Variants in KIAA1549L observed in about 807,000 individuals in gnomAD.
KIAA1549L encodes the protein UPF0606 protein KIAA1549L.
Under a neutral mutation model 160.7 loss-of-function variants are expected in KIAA1549L, and 88 were observed. That is an observed-to-expected ratio of 0.55 (90% CI 0.46 to 0.65). KIAA1549L has a LOEUF of 0.65. Ranked by LOEUF, KIAA1549L falls within the 30% of genes least tolerant of loss-of-function variation. The pLI, the probability that KIAA1549L is intolerant of heterozygous loss-of-function variation, is 0.00. For synonymous variants in KIAA1549L, 950 were observed against 976.7 expected, an observed-to-expected ratio of 0.97 and a Z score of 0.51; for missense variants, 2,258 against 2,437.5, an observed-to-expected ratio of 0.93 and a Z score of 1.55.
intron 1 of KIAA1549L, among the ~76,000 whole-genome samples, chr11:33,510,210 G>T (rs193055646): frequency 1.3e-5 from 2 of 151,522 alleles, no homozygotes; most frequent in Non-Finnish European, 2.9e-5. Context: ...TCTTTCTTTC[G>T]TGTCTTGTTC....
Position 33,591,414 on chromosome 11 carries a change from A to G in KIAA1549L, c.4744A>G (p.Arg1582Gly). Residue 1582 changes from arginine to glycine, a missense_variant, in exon 12 of 21, where the codon AGG (arginine) becomes GGG (glycine). Arg to Gly is a moderately radical substitution (Grantham distance 125, BLOSUM62 -2). Coordinates refer to ENST00000658780, the MANE Select transcript of KIAA1549L (RefSeq NM_012194.3). ...TIKTAKSTET[R>G]KSRSPSENGS... Reference sequence around the variant, plus strand: ...CAAGACCGCCAAATCCACTGAAACCAGGAAGAGGTAGGCACGGGGCTGACT... The same window carrying G: ...CAAGACCGCCAAATCCACTGAAACCGGGAAGAGGTAGGCACGGGGCTGACT... 6.2e-7 allele frequency: 1 copy of G among 1,602,480 alleles called. No homozygotes were observed. The highest frequency in any genetic ancestry group is 8.5e-7 in the Non-Finnish European group (1 of 1,171,222).
At chr11:33,553,351 A>G (rs1214333300) in intron 6 of KIAA1549L, among the ~76,000 whole-genome samples, 4 of 150,838 alleles carry the variant, frequency 2.7e-5, no homozygotes, top group Non-Finnish European at 5.9e-5. Flanking sequence ...CCCACTAAAG[A>G]CAGATGCTTC....
chr11:33,657,647 A>C (rs926986331), intron 18 of KIAA1549L, among the ~76,000 whole-genome samples: 4 of 152,116 alleles, frequency 2.6e-5, no homozygotes, highest in Non-Finnish European at 5.9e-5. Flanking sequence ...AAATACAAAA[A>C]TTAGGTGGGC....
chr11:33,492,290 C>T (rs991361735), intron 1 of KIAA1549L, among the ~76,000 whole-genome samples: 1 of 152,132 alleles, frequency 6.6e-6, no homozygotes, highest in Non-Finnish European at 1.5e-5. Flanking sequence ...ATCACTTGAA[C>T]CCAGAGACAG....
At chr11:33,533,359 A>G (rs1385086051) in intron 1 of KIAA1549L, among the ~76,000 whole-genome samples, 1 of 152,196 alleles carries the variant, frequency 6.6e-6, no homozygotes, top group Non-Finnish European at 1.5e-5. Context: ...GGCAGTTTGC[A>G]CTGTTTTTTG....
chr11:33,670,542 G>A lies in KIAA1549L; in HGVS notation c.*2388G>A, dbSNP rs1209328869. ...CAAGAATAGTATTAATAGATGAGAG[G>A]AAAACCTTAAGTTGGAAAGAAATCA... On this transcript the variant is annotated 3_prime_UTR_variant, in exon 21 of 21. Coordinates refer to ENST00000658780, the MANE Select transcript of KIAA1549L (RefSeq NM_012194.3). 6.6e-6 allele frequency: 1 copy of A among 152,114 alleles called. No individual in the cohort carries two copies. Among genetic ancestry groups the A allele is most frequent in the Non-Finnish European group, 1.5e-5 (1 of 68,020 alleles). The allele number at this position is 152,114 out of a possible 1,614,324, so 9.4% of individuals were successfully genotyped here.
At chr11:33,591,636 C>T (rs953055300) in intron 12 of KIAA1549L, among the ~76,000 whole-genome samples, 1 of 152,226 alleles carries the variant, frequency 6.6e-6, no homozygotes, top group African/African-American at 2.4e-5. Context: ...CTCTGATAAC[C>T]ACAACAGCAG....
chr11:33,616,051 T>C (rs1850799851), intron 15 of KIAA1549L, among the ~76,000 whole-genome samples: 1 of 152,182 alleles, frequency 6.6e-6, no homozygotes, highest in African/African-American at 2.4e-5. Context: ...AGTGCCGTTA[T>C]TAGAGTTAGT....
chr11:33,490,324 CTT>C (rs776660658), intron 1 of KIAA1549L, among the ~76,000 whole-genome samples: 26 of 135,536 alleles, frequency 1.9e-4, no homozygotes, highest in Admixed American at 3.0e-4. Flanking sequence ...TACTTTACCT[CTT>C]TTTTTTTTTT....
In KIAA1549L at chr11:33,408,510, T is replaced by TATAC. The variant is rs58439063; in HGVS notation, c.238+31622_238+31623insTACA. Among the ~76,000 whole-genome samples the TATAC allele has an allele frequency of 4.7e-3, 685 of 146,088 alleles. 3 individuals carry two copies. The highest frequency in any genetic ancestry group is 8.8e-3 in the South Asian group (41 of 4,648). ...ATGTGTATATATATATATATATATA[T>TATAC]ACACATGTATATATGTATACAGAAA... On this transcript the variant is annotated intron_variant, in intron 1 of 20. Coordinates refer to ENST00000658780, the MANE Select transcript of KIAA1549L (RefSeq NM_012194.3).
In KIAA1549L at chr11:33,657,915, G is replaced by T. The variant is rs560578036; in HGVS notation, c.5859-835G>T. Among the ~76,000 whole-genome samples the T allele has an allele frequency of 4.6e-5, 7 of 152,328 alleles. No homozygotes were observed. The East Asian group carries it at 1.4e-3, about 29-fold the overall frequency. ...GTGACAGCCACTGCTTAGCTCAGAG[G>T]GTGGCCCTGTGGGGGGCCAGGCCTG... is the stretch of plus-strand genomic sequence containing the variant. On this transcript the variant is annotated intron_variant, in intron 18 of 20. Coordinates refer to ENST00000658780, the MANE Select transcript of KIAA1549L (RefSeq NM_012194.3).
chr11:33,548,807 A>G (rs1357041480), intron 4 of KIAA1549L, among the ~76,000 whole-genome samples: 2 of 152,212 alleles, frequency 1.3e-5, no homozygotes, highest in South Asian at 2.1e-4. Flanking sequence ...ACTAAAAACT[A>G]TTGCTGTGGC....
intron 17 of KIAA1549L, among the ~76,000 whole-genome samples, chr11:33,650,060 G>A (rs920669396): frequency 3.3e-5 from 5 of 152,094 alleles, no homozygotes; most frequent in South Asian, 4.1e-4. Context: ...GTCCTCACCC[G>A]GAAGGAGAGG....
intron 1 of KIAA1549L, among the ~76,000 whole-genome samples, chr11:33,504,524 G>T (rs1343165349): frequency 6.6e-6 from 1 of 151,796 alleles, no homozygotes; most frequent in South Asian, 2.1e-4. Context: ...CTGGAGCGTA[G>T]TGAGGTGATC....
At chr11:33,398,950 G>GTTTT (rs71034680) in intron 1 of KIAA1549L, among the ~76,000 whole-genome samples, 1 of 140,012 alleles carries the variant, frequency 7.1e-6, no homozygotes, top group Non-Finnish European at 1.6e-5. Context: ...TCCAGTGAGT[G>GTTTT]TTTTTTTTTT....
At chr11:33,429,960 G>T (rs1200022178) in intron 1 of KIAA1549L, among the ~76,000 whole-genome samples, 1 of 151,830 alleles carries the variant, frequency 6.6e-6, no homozygotes, top group East Asian at 1.9e-4. Context: ...AGCAACCAGA[G>T]AGATCCTGTT....
chr11:33,428,065 C>T (rs1338360232), intron 1 of KIAA1549L, among the ~76,000 whole-genome samples: 1 of 152,192 alleles, frequency 6.6e-6, no homozygotes, highest in Non-Finnish European at 1.5e-5. Flanking sequence ...GTGACCAGTG[C>T]TGCTATAAAT....
intron 1 of KIAA1549L, among the ~76,000 whole-genome samples, chr11:33,429,922 A>C (rs1851195702): frequency 6.6e-6 from 1 of 151,056 alleles, no homozygotes; most frequent in Admixed American, 6.6e-5. Flanking sequence ...TTCTTCTCCT[A>C]CCCCTCACCA....
chr11:33,387,282 C>G (rs1380160103), intron 1 of KIAA1549L, among the ~76,000 whole-genome samples: 1 of 152,004 alleles, frequency 6.6e-6, no homozygotes, highest in African/African-American at 2.4e-5. Context: ...ACCTCTAGTT[C>G]ATTTTCTCAT....
Sources: gnomAD v4.1 joint callset for allele counts (sites outside exome capture counted in the v4.1 genomes callset) on GRCh38, gnomAD v4.1.1 for gene constraint, MANE v1.5 for transcripts, NCBI Gene and HGNC (gene_info 2026-07-23, HGNC 2026-07-21) for gene names.